The following NEK9 variants were observed in gnomAD, a reference collection of about 807,000 sequenced individuals.
NEK9 encodes the protein NIMA related kinase 9, also known as serine/threonine-protein kinase Nek9.
In NEK9, 75 loss-of-function variants were observed where a neutral mutation model predicts 123.4. That is an observed-to-expected ratio of 0.61 (90% CI 0.50 to 0.74). The LOEUF (loss-of-function observed/expected upper bound fraction) is 0.74, where lower values mean the gene tolerates loss of function less well. NEK9 is among the 30% of genes least tolerant of loss of function. The probability of loss-of-function intolerance (pLI) is 0.00; values close to 1 mark genes in which losing one functional copy is unlikely to be tolerated. For synonymous variants in NEK9, 438 were observed against 458.7 expected, an observed-to-expected ratio of 0.95 and a Z score of 0.58; for missense variants, 952 against 1,214.4, an observed-to-expected ratio of 0.78 and a Z score of 3.21.
At chr14:75,120,421 A>G (rs1895286931) in intron 4 of NEK9, 89 bp downstream of exon 4, 8 of 843,180 alleles carry the variant, frequency 9.5e-6, no homozygotes, top group Middle Eastern at 2.3e-4. Context: ...CTGCTTAACC[A>G]AGAAAATAAA....
At chr14:75,100,957 G>A in intron 16 of NEK9, 35 bp downstream of exon 16, 1 of 1,597,566 alleles carries the variant, frequency 6.3e-7, no homozygotes, top group South Asian at 1.1e-5. Flanking sequence ...ACAGCCATGT[G>A]TCCAGAAAGC....
At chr14:75,105,309 GAA>G (rs1314789939) in intron 13 of NEK9, among the ~76,000 whole-genome samples, 1 of 139,038 alleles carries the variant, frequency 7.2e-6, no homozygotes, top group Admixed American at 7.2e-5. Flanking sequence ...CCCAAGGAAA[GAA>G]AAAAAAAAAA....
Position 75,120,863 on chromosome 14 carries a change from T to A in NEK9, c.453+256A>T. Reference sequence around the variant, plus strand: ...GGAAGAATGCAAAGTTATAGAAAACTGGGCATACCAGTACGCAGTAATAGA... The same window carrying A: ...GGAAGAATGCAAAGTTATAGAAAACAGGGCATACCAGTACGCAGTAATAGA... On this transcript the variant is annotated intron_variant, in intron 3 of 21. Transcript: ENST00000238616. 5.0e-6 allele frequency: 3 copies of A among 602,512 alleles called. 1 individual carries two copies. In the East Asian group the frequency reaches 8.4e-5, roughly 17 times the overall value. 37.3% of individuals were successfully genotyped at this position (602,512 alleles called of 1,614,324 possible).
chr14:75,108,154 C>T lies in NEK9; in HGVS notation c.1183-667G>A, dbSNP rs1017663437. ...TTTTTTTTTTTTTGAGACAGAGTTTCGCTCTTGTCACCCAGGCTGGAGCGC... is the reference window on the plus strand; with the variant it reads ...TTTTTTTTTTTTTGAGACAGAGTTTTGCTCTTGTCACCCAGGCTGGAGCGC... On this transcript the variant is annotated intron_variant, in intron 10 of 21. Transcript: ENST00000238616. 7.6e-4 allele frequency among the ~76,000 whole-genome samples: 112 copies of T among 147,004 alleles called. 1 individual carries two copies. The highest frequency in any genetic ancestry group is 2.5e-3 in the African/African-American group (101 of 39,844).
intron 7 of NEK9, among the ~76,000 whole-genome samples, chr14:75,113,867 C>CAGACATTCTGTATTAGAAGTGGT (rs1895040794): frequency 2.0e-5 from 3 of 152,164 alleles, no homozygotes; most frequent in Non-Finnish European, 4.4e-5. Flanking sequence ...ATGAGAAATA[C>CAGACATTCTGTATTAGAAGTGGT]AGACATTCTG....
chr14:75,116,232 G>A (rs1895137236), intron 6 of NEK9, among the ~76,000 whole-genome samples: 1 of 152,184 alleles, frequency 6.6e-6, no homozygotes, highest in Admixed American at 6.5e-5. Flanking sequence ...GATCACTTGA[G>A]GCCAGGATTT....
chr14:75,105,532 A>G (rs1284503507), intron 13 of NEK9, among the ~76,000 whole-genome samples: 1 of 152,240 alleles, frequency 6.6e-6, no homozygotes, highest in African/African-American at 2.4e-5. Context: ...CATGACCGCT[A>G]AACAAAAACA....
In NEK9 at chr14:75,087,013, C is replaced by G; in HGVS notation, c.2817+5G>C. On this transcript the variant is annotated splice_donor_5th_base_variant and intron_variant, in intron 21 of 21. Transcript: ENST00000238616. Reference sequence around the variant, plus strand: ...GAAATTGGATTATTCTTTTAATGCTCTCACCTGCTGCCCTCCTTCTAATTT... The same window carrying G: ...GAAATTGGATTATTCTTTTAATGCTGTCACCTGCTGCCCTCCTTCTAATTT... The G allele has an allele frequency of 6.2e-7, 1 of 1,613,286 alleles. No individual in the cohort carries two copies. The highest frequency in any genetic ancestry group is 8.5e-7 in the Non-Finnish European group (1 of 1,179,200).
intron 10 of NEK9, 22 bp from the exon 11 acceptor site, chr14:75,107,509 T>C (rs369026309): frequency 4.5e-6 from 7 of 1,555,834 alleles, no homozygotes; most frequent in East Asian, 2.3e-5. Flanking sequence ...AGAGGTCTTA[T>C]GACTTTTTTT....
chr14:75,116,838 C>T (rs918183014), intron 6 of NEK9, among the ~76,000 whole-genome samples: 3 of 152,062 alleles, frequency 2.0e-5, no homozygotes, highest in Non-Finnish European at 4.4e-5. Flanking sequence ...GCAACCTCCA[C>T]CTCCTGGGTT....
intron 4 of NEK9, among the ~76,000 whole-genome samples, chr14:75,120,306 T>C (rs767065140): frequency 1.3e-5 from 2 of 152,216 alleles, no homozygotes; most frequent in African/African-American, 2.4e-5. Context: ...ACTTGGCTAC[T>C]GAGGAGACTC....
intron 12 of NEK9, 181 bp from the exon 13 acceptor site, chr14:75,106,177 G>A: frequency 1.6e-6 from 1 of 616,622 alleles, no homozygotes; most frequent in East Asian, 2.8e-5. Flanking sequence ...GGCCAGTGTG[G>A]TGAAACCCCA....
rs1478426206 is a variant in NEK9 at position 75,087,093 on chromosome 14, C to T, written c.2742G>A (p.Gln914=). 2 of 1,614,076 alleles carry T rather than the reference C, an allele frequency of 1.2e-6. No individual in the cohort carries two copies. The highest frequency in any genetic ancestry group is 1.7e-6 in the Non-Finnish European group (2 of 1,180,046). ...TCTGGAGGTTTTCTTGCTGTAGCTT[C>T]TGTTGTTCAGCCAGACACTTTAACA... ...GLVLKCLAEQ[Q]KLQQENLQIF... Residue 914 remains glutamine (Q), a synonymous_variant, in exon 21 of 22, where the codon CAG becomes CAA. Coordinates refer to ENST00000238616, the MANE Select transcript of NEK9 (RefSeq NM_033116.6).
chr14:75,119,861 CT>C (rs1379363006), intron 4 of NEK9, among the ~76,000 whole-genome samples: 3 of 152,258 alleles, frequency 2.0e-5, no homozygotes, highest in Non-Finnish European at 4.4e-5. Flanking sequence ...TACTTTGTTA[CT>C]TTTAAAAAGA....
At position 75,124,174 on chromosome 14, in the gene NEK9, TCAGA is replaced by T; in HGVS notation, c.265_268del (p.Ser89ArgfsTer8). 1 of 1,614,122 alleles carries T rather than the reference TCAGA, an allele frequency of 6.2e-7. No individual in the cohort carries two copies. On this transcript the variant is annotated frameshift_variant, in exon 2 of 22. Transcript: ENST00000238616. LOFTEE classifies it high-confidence loss of function. ...ATTCAAGGCATCACGACGTTCCTTC[TCAGA>T]CAGCCGGGTCAAATCGACTTCCTTC...
At chr14:75,094,897 C>G (rs1894330218) in intron 18 of NEK9, among the ~76,000 whole-genome samples, 1 of 151,986 alleles carries the variant, frequency 6.6e-6, no homozygotes, top group Admixed American at 6.6e-5. Flanking sequence ...TAGCATGGTC[C>G]CCAATAATAG....
At chr14:75,125,276 A>T (rs1381173811) in intron 1 of NEK9, among the ~76,000 whole-genome samples, 4 of 152,222 alleles carry the variant, frequency 2.6e-5, no homozygotes, top group Admixed American at 2.6e-4. Flanking sequence ...CTACATATGC[A>T]ACTTAATGCT....
chr14:75,084,792 G>A (rs1404218348), intron 21 of NEK9, 106 bp from the exon 22 acceptor site: 27 of 1,452,142 alleles, frequency 1.9e-5, no homozygotes, highest in Middle Eastern at 1.8e-4. Context: ...TGGCTAAGGC[G>A]TGGCTAAGGA....
intron 21 of NEK9, among the ~76,000 whole-genome samples, chr14:75,086,060 G>A (rs1438138719): frequency 1.3e-5 from 2 of 151,716 alleles, no homozygotes; most frequent in African/African-American, 4.8e-5. Flanking sequence ...ATGGTGGTAA[G>A]CGTCTATAGT....
Sources: gnomAD v4.1 joint callset for allele counts (sites outside exome capture counted in the v4.1 genomes callset) on GRCh38, gnomAD v4.1.1 for gene constraint, MANE v1.5 for transcripts, NCBI Gene and HGNC (gene_info 2026-07-23, HGNC 2026-07-21) for gene names.